The following GRM1 variants were observed in gnomAD, a reference collection of about 807,000 sequenced individuals.
GRM1 encodes glutamate metabotropic receptor 1, also known as metabotropic glutamate receptor 1.
In GRM1, 33 loss-of-function variants were observed where a neutral mutation model predicts 90.9. The observed-to-expected ratio is 0.36, with a 90% CI of 0.28 to 0.49. GRM1 has a LOEUF of 0.49. Among genes scored for constraint, GRM1 ranks in the 20% least tolerant of loss-of-function variants. GRM1 has a pLI of 0.99. For synonymous variants in GRM1, 700 were observed against 613.2 expected (o/e 1.14, Z -2.09); for missense variants, 1,190 against 1,534.3 (o/e 0.78, Z 3.75).
intron 7 of GRM1, among the ~76,000 whole-genome samples, chr6:146,418,913 A>T (rs2114651849): frequency 6.6e-6 from 1 of 152,284 alleles, no homozygotes; most frequent in South Asian, 2.1e-4. Context: ...TTTCTTAATT[A>T]TTTGAAAAAA....
intron 2 of GRM1, among the ~76,000 whole-genome samples, chr6:146,276,538 A>T (rs1166663972): frequency 6.6e-6 from 1 of 152,148 alleles, no homozygotes. Flanking sequence ...GAATGGTTTT[A>T]TTCAAGACTC....
chr6:146,191,338 T>A (rs1269359322), intron 2 of GRM1, among the ~76,000 whole-genome samples: 2 of 152,180 alleles, frequency 1.3e-5, no homozygotes, highest in Non-Finnish European at 2.9e-5. Flanking sequence ...TCCTGCACAT[T>A]TGGCATAGTG....
intron 2 of GRM1, among the ~76,000 whole-genome samples, chr6:146,175,623 C>T (rs1025585244): frequency 2.2e-4 from 34 of 152,082 alleles, no homozygotes; most frequent in Non-Finnish European, 8.8e-5. Context: ...ATACAATACA[C>T]ATAAATACAA....
intron 1 of GRM1, among the ~76,000 whole-genome samples, chr6:146,050,958 G>A (rs373999886): frequency 6.4e-4 from 98 of 152,140 alleles, no homozygotes; most frequent in African/African-American, 2.2e-3. Context: ...CCCTTCCTGG[G>A]AAGGTCTACC....
At position 146,393,837 on chromosome 6, in the gene GRM1, G is replaced by C. The variant is rs532043141; in HGVS notation, c.1730-4932G>C. On this transcript the variant is annotated intron_variant, in intron 6 of 7. Coordinates refer to ENST00000282753, the MANE Select transcript of GRM1 (RefSeq NM_001278064.2). The stretch of plus-strand genomic sequence containing the variant: ...ATCCCAAGCAAAAGGAACAAAGCTG[G>C]AGGCATCACGATACCTGACTTCAAA... Among the ~76,000 whole-genome samples the C allele has an allele frequency of 2.6e-5, 4 of 152,190 alleles. No homozygotes were observed. The South Asian group carries it at 8.3e-4, about 32-fold the overall frequency.
intron 2 of GRM1, among the ~76,000 whole-genome samples, chr6:146,160,806 A>C (rs1030447319): frequency 3.3e-5 from 5 of 152,174 alleles, no homozygotes; most frequent in African/African-American, 1.2e-4. Context: ...ATGAATAAAG[A>C]AACAGAGATA....
intron 2 of GRM1, among the ~76,000 whole-genome samples, chr6:146,163,807 T>C (rs1447012607): frequency 6.6e-6 from 1 of 152,214 alleles, no homozygotes; most frequent in Non-Finnish European, 1.5e-5. Flanking sequence ...CATTTCTAGT[T>C]ATTCTTTATT....
chr6:146,426,765 G>T (rs1294903015), intron 7 of GRM1: 9 of 634,622 alleles, frequency 1.4e-5, no homozygotes, highest in South Asian at 9.3e-5. Context: ...ATTCATTTAC[G>T]TGCCATGGTT....
Position 146,386,904 on chromosome 6 carries a change from A to G in GRM1, c.1617A>G (p.Gly539=), listed in dbSNP as rs745637423. ...CTATGTTATAGGTTATACGGAAAGGAGAAGTGAGCTGCTGCTGGATTTGCA... is the reference window on the plus strand; with the variant it reads ...CTATGTTATAGGTTATACGGAAAGGGGAAGTGAGCTGCTGCTGGATTTGCA... ...LKGQIKVIRK[G]EVSCCWICTA... Residue 539 remains glycine, a synonymous_variant, in exon 6 of 8, where the codon GGA becomes GGG. Transcript: ENST00000282753. 5 of 1,609,700 alleles carry G rather than the reference A, an allele frequency of 3.1e-6. No homozygotes were observed. The South Asian group carries it at 4.4e-5, about 14-fold the overall frequency.
chr6:146,189,430 T>A (rs989450916), intron 2 of GRM1, among the ~76,000 whole-genome samples: 22 of 152,352 alleles, frequency 1.4e-4, no homozygotes, highest in Non-Finnish European at 2.2e-4. Flanking sequence ...ATGAGCCTAA[T>A]GCAATGAGTG....
intron 3 of GRM1, among the ~76,000 whole-genome samples, chr6:146,326,551 A>C (rs1784407099): frequency 6.6e-6 from 1 of 152,196 alleles, no homozygotes; most frequent in Admixed American, 6.5e-5. Context: ...ACACAAGTTT[A>C]CTTATGTAAG....
At chr6:146,164,667 C>G (rs1777846603) in intron 2 of GRM1, among the ~76,000 whole-genome samples, 1 of 152,104 alleles carries the variant, frequency 6.6e-6, no homozygotes, top group Non-Finnish European at 1.5e-5. Context: ...TGAGTCATCA[C>G]TGGGTCTCAC....
chr6:146,224,469 A>G (rs1780172944), intron 2 of GRM1, among the ~76,000 whole-genome samples: 1 of 152,152 alleles, frequency 6.6e-6, no homozygotes, highest in African/African-American at 2.4e-5. Flanking sequence ...GGATGCCATC[A>G]TAAGGCAACT....
chr6:146,334,285 T>C (rs1784690176), intron 3 of GRM1, among the ~76,000 whole-genome samples: 1 of 152,234 alleles, frequency 6.6e-6, no homozygotes, highest in African/African-American at 2.4e-5. Context: ...CCTGGCAGCC[T>C]ACTGCCTAGA....
intron 1 of GRM1, among the ~76,000 whole-genome samples, chr6:146,138,598 AT>A (rs1276843741): frequency 6.6e-6 from 1 of 151,710 alleles, no homozygotes. Context: ...TCCTGGTTCA[AT>A]CTTGGTGGGT....
rs929598310 is a variant in GRM1, at chr6:146,437,368, C to T, written c.*2572C>T. On this transcript the variant is annotated 3_prime_UTR_variant, in exon 8 of 8. Coordinates refer to ENST00000282753, the MANE Select transcript of GRM1 (RefSeq NM_001278064.2). ...ATTACTCTGAATGCCTACTATTATC[C>T]TGATTATGGGGTCTCCTGAATAAAT... 11 of 152,578 alleles carry T rather than the reference C, an allele frequency of 7.2e-5. No homozygotes were observed. The highest frequency in any genetic ancestry group is 2.4e-4 in the African/African-American group (10 of 41,524). The allele number at this position is 152,578 out of a possible 1,614,324, so 9.5% of individuals were successfully genotyped here. A position where few individuals can be genotyped will look rare whatever the true frequency, so the allele number is the denominator to read the frequency against.
chr6:146,231,030 T>C (rs1454516684), intron 2 of GRM1, among the ~76,000 whole-genome samples: 1 of 152,078 alleles, frequency 6.6e-6, no homozygotes, highest in East Asian at 1.9e-4. Context: ...AGGAAGAACA[T>C]GGAGGATTCT....
At chr6:146,414,596 G>T (rs921600814) in intron 7 of GRM1, among the ~76,000 whole-genome samples, 3 of 152,054 alleles carry the variant, frequency 2.0e-5, no homozygotes, top group African/African-American at 7.2e-5. Flanking sequence ...TAGAGACGGG[G>T]TTTCACCCTG....
At chr6:146,175,016 G>C (rs918035305) in intron 2 of GRM1, among the ~76,000 whole-genome samples, 5 of 152,090 alleles carry the variant, frequency 3.3e-5, no homozygotes, top group Non-Finnish European at 7.4e-5. Flanking sequence ...GAGAGAGAGG[G>C]GAGAACATCA....
Sources: allele counts gnomAD v4.1 joint callset (sites outside exome capture counted in the v4.1 genomes callset), GRCh38; gene constraint gnomAD v4.1.1; transcripts MANE v1.5; gene names NCBI Gene and HGNC (gene_info 2026-07-23, HGNC 2026-07-21).